Variants in EPHB1 observed in about 807,000 individuals in gnomAD.
The protein encoded by EPHB1 is ephrin type-B receptor 1.
EPHB1 carries 30 observed loss-of-function variants against 94.4 expected under a neutral mutation model. The observed-to-expected ratio is 0.32, with a 90% CI of 0.24 to 0.43. EPHB1 has a LOEUF of 0.43. EPHB1 is among the 20% of genes least tolerant of loss of function. EPHB1 has a pLI of 1.00. For missense variants in EPHB1, 1,055 were observed against 1,308.3 expected, an observed-to-expected ratio of 0.81 and a Z score of 2.99; for synonymous variants, 522 against 489.1, an observed-to-expected ratio of 1.07 and a Z score of -0.89.
chr3:135,098,271 TAC>T (rs1316385654), intron 3 of EPHB1, among the ~76,000 whole-genome samples: 2 of 152,188 alleles, frequency 1.3e-5, no homozygotes, highest in African/African-American at 4.8e-5. Flanking sequence ...ATTGATAAAG[TAC>T]AGAAACATAA....
intron 1 of EPHB1, among the ~76,000 whole-genome samples, chr3:134,803,724 G>A (rs1236673139): frequency 6.6e-6 from 1 of 152,332 alleles, no homozygotes; most frequent in Admixed American, 6.5e-5. Flanking sequence ...ACTGGCTCAA[G>A]AGCGAAGTTT....
At chr3:134,938,931 A>G (rs954111412) in intron 2 of EPHB1, among the ~76,000 whole-genome samples, 3 of 152,066 alleles carry the variant, frequency 2.0e-5, no homozygotes, top group African/African-American at 7.2e-5. Context: ...TAAGCTGGGG[A>G]TCCGCATGAT....
chr3:135,257,612 T>G (rs1403727185), intron 15 of EPHB1, among the ~76,000 whole-genome samples: 2 of 151,714 alleles, frequency 1.3e-5, no homozygotes, highest in Non-Finnish European at 2.9e-5. Context: ...GAACCACTGC[T>G]CTCTTCAAAG....
chr3:134,964,144 T>A lies in EPHB1; in HGVS notation c.805+12092T>A, dbSNP rs142956114. 4.5e-3 allele frequency among the ~76,000 whole-genome samples: 691 copies of A among 152,240 alleles called. 8 individuals carry two copies. Among genetic ancestry groups the A allele is most frequent in the African/African-American group, 0.016 (655 of 41,528 alleles). On this transcript the variant is annotated intron_variant, in intron 3 of 15. Transcript: ENST00000398015. ...AAATTTGTGGAAGGAGAATATGAGC[T>A]GAGAAGGGAGAGTCTTTGCATTAGG...
chr3:135,092,044 G>GT (rs1445797427), intron 3 of EPHB1, among the ~76,000 whole-genome samples: 3 of 152,084 alleles, frequency 2.0e-5, no homozygotes, highest in African/African-American at 7.2e-5. Flanking sequence ...AAAAAATAAG[G>GT]TTTTTCTCAA....
Position 134,904,803 on chromosome 3 carries a change from ATATAG to A in EPHB1, c.59-21011_59-21007del, listed in dbSNP as rs201539360. ...TTAAACATTCCTTCAAAGTGTCTAA[ATATAG>A]TGTTTATACAATTTGTTCAAGCTTA... On this transcript the variant is annotated intron_variant, in intron 1 of 15. Coordinates refer to ENST00000398015, the MANE Select transcript of EPHB1 (RefSeq NM_004441.5). Among the ~76,000 whole-genome samples, 1,473 of 152,308 alleles carry A rather than the reference ATATAG, an allele frequency of 9.7e-3. 33 individuals carry two copies. Among genetic ancestry groups the A allele is most frequent in the African/African-American group, 0.034 (1,394 of 41,560 alleles).
chr3:135,127,878 G>A (rs1940267500), intron 4 of EPHB1, among the ~76,000 whole-genome samples: 1 of 152,078 alleles, frequency 6.6e-6, no homozygotes, highest in African/African-American at 2.4e-5. Context: ...CAACCTCTCA[G>A]GCACATCCTG....
Position 135,098,342 on chromosome 3 carries a change from G to A in EPHB1, c.806-8106G>A, listed in dbSNP as rs9289490. Reference sequence around the variant, plus strand: ...ATTTTGCTGAGTATGATATGTTTGAGTGTGTGTGTGTGTGTGTGTATAAAA... The same window carrying A: ...ATTTTGCTGAGTATGATATGTTTGAATGTGTGTGTGTGTGTGTGTATAAAA... On this transcript the variant is annotated intron_variant, in intron 3 of 15. Transcript: ENST00000398015. Among the ~76,000 whole-genome samples the A allele has an allele frequency of 5.3e-3, 289 of 54,302 alleles. 8 individuals are homozygous for A. The highest frequency in any genetic ancestry group is 0.012 in the East Asian group (4 of 330). The allele number at this position is 54,302 out of a possible 152,430, so 35.6% of individuals were successfully genotyped here.
intron 3 of EPHB1, among the ~76,000 whole-genome samples, chr3:135,032,158 T>A (rs1936493060): frequency 6.6e-6 from 1 of 152,108 alleles, no homozygotes; most frequent in Admixed American, 6.5e-5. Flanking sequence ...ATTCTAGTGC[T>A]TTTTGGATAA....
intron 3 of EPHB1, among the ~76,000 whole-genome samples, chr3:134,988,552 A>G (rs1470778099): frequency 2.0e-5 from 3 of 152,216 alleles, no homozygotes; most frequent in Non-Finnish European, 2.9e-5. Flanking sequence ...TGAATGCACC[A>G]TTAGGCTGAA....
At chr3:135,021,427 T>G (rs1935984748) in intron 3 of EPHB1, among the ~76,000 whole-genome samples, 1 of 152,300 alleles carries the variant, frequency 6.6e-6, no homozygotes, top group Admixed American at 6.5e-5. Flanking sequence ...TGTCTTTGAT[T>G]GCTTTTGATT....
intron 1 of EPHB1, among the ~76,000 whole-genome samples, chr3:134,900,611 G>C (rs1276749222): frequency 6.6e-6 from 1 of 152,172 alleles, no homozygotes; most frequent in East Asian, 1.9e-4. Flanking sequence ...TGAGGAGGTA[G>C]ACCTGGCAGA....
chr3:134,865,065 C>G (rs1215165391), intron 1 of EPHB1, among the ~76,000 whole-genome samples: 1 of 150,674 alleles, frequency 6.6e-6, no homozygotes, highest in African/African-American at 2.4e-5. Context: ...TATAGTAAAA[C>G]ATACGTGTGT....
Position 134,951,964 on chromosome 3 carries a change from C to T in EPHB1, c.717C>T (p.Tyr239=), listed in dbSNP as rs1455713545. Reference sequence around the variant, plus strand: ...AAGTGGACGTGCCCATCAAACTCTACTGCAACGGGGATGGGGAATGGATGG... The same window carrying T: ...AAGTGGACGTGCCCATCAAACTCTATTGCAACGGGGATGGGGAATGGATGG... ...AEEVDVPIKL[Y]CNGDGEWMVP... is the part of the protein sequence containing the mutation. Residue 239 remains tyrosine (Y), a synonymous_variant, in exon 3 of 16, where the codon TAC becomes TAT. Transcript: ENST00000398015. The surrounding 1 kb of genome is among the most constrained non-coding windows in gnomAD (Gnocchi z 4.5). 6.2e-7 allele frequency: 1 copy of T among 1,613,924 alleles called. No homozygotes were observed. The highest frequency in any genetic ancestry group is 2.2e-5 in the East Asian group (1 of 44,896).
chr3:135,252,372 C>A (rs1234781252), intron 15 of EPHB1, among the ~76,000 whole-genome samples: 1 of 115,722 alleles, frequency 8.6e-6, no homozygotes, highest in Non-Finnish European at 1.7e-5. Context: ...CCCCTCCCCC[C>A]ACCCCACCAC....
intron 3 of EPHB1, among the ~76,000 whole-genome samples, chr3:135,045,504 A>G (rs1421555516): frequency 2.0e-5 from 3 of 152,204 alleles, no homozygotes; most frequent in Non-Finnish European, 2.9e-5. Context: ...TTTTCATGGA[A>G]TATTATTTTT....
In EPHB1 at chr3:135,257,526, C is replaced by T. The variant is rs557468305; in HGVS notation, c.2847-1486C>T. Among the ~76,000 whole-genome samples, 3 of 152,232 alleles carry T rather than the reference C, an allele frequency of 2.0e-5. No homozygotes were observed. In the South Asian group the frequency reaches 6.2e-4, roughly 32 times the overall value. The stretch of plus-strand genomic sequence containing the variant: ...TGGGGGGTGCCTCCCAGTTAGGTTG[C>T]TGGGGGGGTCAGGGGTCAGGGACCC... On this transcript the variant is annotated intron_variant, in intron 15 of 15. Transcript: ENST00000398015.
At chr3:134,882,722 TCTTCTTTC>T (rs1007007069) in intron 1 of EPHB1, among the ~76,000 whole-genome samples, 1 of 142,594 alleles carries the variant, frequency 7.0e-6, no homozygotes. Context: ...CTTCTTTCCT[TCTTCTTTC>T]CTTCTTTCCT....
intron 3 of EPHB1, among the ~76,000 whole-genome samples, chr3:134,990,692 C>T (rs1264167121): frequency 2.6e-5 from 4 of 152,204 alleles, no homozygotes; most frequent in African/African-American, 9.7e-5. Context: ...GCTCATTCTC[C>T]TGTATATTTT....
Sources: gnomAD v4.1 joint callset for allele counts (sites outside exome capture counted in the v4.1 genomes callset) on GRCh38, gnomAD v4.1.1 for gene constraint, Gnocchi (gnomAD v3.1) non-coding constraint, MANE v1.5 for transcripts, NCBI Gene and HGNC (gene_info 2026-07-23, HGNC 2026-07-21) for gene names.